PARP1: variants seen among roughly 807,000 people sequenced by gnomAD.
PARP1 encodes the protein poly [ADP-ribose] polymerase 1.
Under a neutral mutation model 118.7 loss-of-function variants are expected in PARP1, and 44 were observed. The observed-to-expected ratio is 0.37, with a 90% CI of 0.29 to 0.48. The LOEUF (loss-of-function observed/expected upper bound fraction) is 0.48. Ranked by LOEUF, PARP1 falls within the 20% of genes least tolerant of loss-of-function variation. The pLI, the probability that PARP1 is intolerant of heterozygous loss-of-function variation, is 0.99. For missense variants in PARP1, 1,100 were observed against 1,272.4 expected, an observed-to-expected ratio of 0.86 and a Z score of 2.06; for synonymous variants, 492 against 483.2, an observed-to-expected ratio of 1.02 and a Z score of -0.24.
In PARP1 at chr1:226,374,956, T is replaced by C. The variant is rs1014751695; in HGVS notation, c.1942-602A>G. ...AGACTATTGAGACTCCACCCCCCAC[T>C]GTCTGAAGAACCCAGGTTATATCAA... On this transcript the variant is annotated intron_variant, in intron 13 of 22. Coordinates refer to ENST00000366794, the MANE Select transcript of PARP1 (RefSeq NM_001618.4). 4.6e-5 allele frequency among the ~76,000 whole-genome samples: 7 copies of C among 152,370 alleles called. No homozygotes were observed. The East Asian group carries it at 1.3e-3, about 29-fold the overall frequency.
In PARP1 at chr1:226,361,471, A is replaced by T; in HGVS notation, c.3034T>A (p.Ser1012Thr). 6.2e-7 allele frequency: 1 copy of T among 1,609,130 alleles called. No individual in the cohort carries two copies. Among genetic ancestry groups the T allele is most frequent in the Non-Finnish European group, 8.5e-7 (1 of 1,175,556 alleles). ...GCTACCTCTCCCAATTACCACAGGG[A>T]GGTCTTAAAATTGAATTTCAGTTTC... Reference protein sequence around the residue: ...LLKLKFNFKTSLW With the variant: ...LLKLKFNFKTTLW The change falls in exon 23 of 23, where the codon TCC (serine) becomes ACC (threonine). Residue 1012 changes from serine (S) to threonine (T), a missense_variant. Around this residue, in one of 2 missense-constraint regions of PARP1, gnomAD observed 152 missense variants for 240.6 expected, o/e 0.63. Transcript: ENST00000366794.
rs1252612956 is a variant in PARP1 at position 226,367,486 on chromosome 1, G to A, written c.2400C>T (p.Asp800=). 6.2e-7 allele frequency: 1 copy of A among 1,614,024 alleles called. No individual in the cohort carries two copies. The highest frequency in any genetic ancestry group is 8.5e-7 in the Non-Finnish European group (1 of 1,180,030). Residue 800 remains aspartate (D), a synonymous_variant, in exon 17 of 23, where the codon GAC becomes GAT. Transcript: ENST00000366794. ...IDVNYEKLKT[D]IKVVDRDSEE... ...GAAGGCCTGACCCTGTTACCTTAAT[G>A]TCAGTTTTGAGCTTCTCATAGTTGA...
At chr1:226,385,443 C>A (rs1458112074) in intron 7 of PARP1, 61 bp downstream of exon 7, 12 of 1,454,098 alleles carry the variant, frequency 8.3e-6, no homozygotes, top group East Asian at 2.3e-5. Flanking sequence ...TATAAACAAG[C>A]GCAGAAAGTG....
chr1:226,361,589 T>G, intron 22 of PARP1, 48 bp from the exon 23 acceptor site: 1 of 1,315,564 alleles, frequency 7.6e-7, no homozygotes. Context: ...ACAGAGGGTA[T>G]GTACATGTGC....
rs139232092 is a variant in PARP1 at position 226,388,714 on chromosome 1, G to A, written c.659C>T (p.Ala220Val). 2.6e-4 allele frequency: 421 copies of A among 1,613,776 alleles called. 1 individual carries two copies. In the East Asian group the frequency reaches 5.6e-3, roughly 22 times the overall value. The stretch of plus-strand genomic sequence containing the variant: ...TTTTTCTTTTTTAGATTTCTTCTTC[G>A]CCACTTCATCCACTCCATCCACCTC... ...GDEVDGVDEVAKKKSKKEKDK... is the reference protein window; with the variant it reads ...GDEVDGVDEVVKKKSKKEKDK... The change falls in exon 5 of 23, where the codon GCG becomes GTG. Residue 220 changes from alanine (A) to valine (V), a missense_variant. Physicochemically the swap from Ala to Val is moderately conservative, Grantham distance 64. Around this residue, in one of 2 missense-constraint regions of PARP1, gnomAD observed 948 missense variants for 1,031.8 expected, o/e 0.92. Transcript: ENST00000366794.
chr1:226,380,870 C>T (rs1053099424), intron 9 of PARP1, among the ~76,000 whole-genome samples, 198 bp downstream of exon 9: 1 of 152,138 alleles, frequency 6.6e-6, no homozygotes, highest in African/African-American at 2.4e-5. Context: ...GTTGAGAACA[C>T]GCAATGCATG....
chr1:226,389,094 TGTATC>T (rs1553296935), intron 4 of PARP1, among the ~76,000 whole-genome samples: 11 of 150,018 alleles, frequency 7.3e-5, no homozygotes, highest in Non-Finnish European at 1.5e-4. Context: ...AAGAAACCCA[TGTATC>T]TCCTGGCCTG....
intron 10 of PARP1, 104 bp downstream of exon 10, chr1:226,379,818 A>T: frequency 6.4e-7 from 1 of 1,571,284 alleles, no homozygotes; most frequent in Non-Finnish European, 8.7e-7. Context: ...TGCAGCACTC[A>T]ACAGGCCATG....
intron 2 of PARP1, among the ~76,000 whole-genome samples, chr1:226,397,037 A>C (rs1210784908): frequency 6.6e-6 from 1 of 152,124 alleles, no homozygotes; most frequent in Non-Finnish European, 1.5e-5. Context: ...CATGCCTATA[A>C]ACCCTGTGCT....
chr1:226,363,401 G>A (rs1019409901), intron 20 of PARP1, among the ~76,000 whole-genome samples: 2 of 152,160 alleles, frequency 1.3e-5, no homozygotes, highest in African/African-American at 4.8e-5. Context: ...TCAAGGCAAG[G>A]CCCTATTTGG....
chr1:226,369,730 G>A (rs981973795), intron 15 of PARP1, among the ~76,000 whole-genome samples: 49 of 152,106 alleles, frequency 3.2e-4, no homozygotes, highest in Middle Eastern at 3.2e-3. Flanking sequence ...TGAGGCAGGC[G>A]GATCACTTGA....
intron 21 of PARP1, among the ~76,000 whole-genome samples, chr1:226,362,852 ATTTTT>A (rs3046776): frequency 6.7e-6 from 1 of 148,338 alleles, no homozygotes; most frequent in Non-Finnish European, 1.5e-5. Flanking sequence ...GAGCTTGCCT[ATTTTT>A]TTTTTTTTTT....
chr1:226,403,967 T>C (rs968470984), intron 1 of PARP1, among the ~76,000 whole-genome samples: 1 of 152,210 alleles, frequency 6.6e-6, no homozygotes, highest in East Asian at 1.9e-4. Context: ...GGCCTCTTTC[T>C]GGATGTGATG....
intron 21 of PARP1, among the ~76,000 whole-genome samples, 178 bp downstream of exon 21, chr1:226,362,918 AACC>A (rs200043891): frequency 6.6e-6 from 1 of 151,722 alleles, no homozygotes; most frequent in Admixed American, 6.6e-5. Context: ...GCAGCATATT[AACC>A]ACCACCACCA....
chr1:226,392,338 T>C, intron 2 of PARP1, 24 bp from the exon 3 acceptor site: 5 of 1,552,324 alleles, frequency 3.2e-6, no homozygotes, highest in South Asian at 1.1e-5. Context: ...CAGACAGCAA[T>C]GCTCATCTCA....
chr1:226,386,593 ACT>A, intron 5 of PARP1, 151 bp from the exon 6 acceptor site: 1 of 736,040 alleles, frequency 1.4e-6, no homozygotes, highest in Admixed American at 1.8e-5. Context: ...ACAGGATTTG[ACT>A]CCCAGTCATG....
rs755617552 is a variant in PARP1 at position 226,402,314 on chromosome 1, G to C, written c.186C>G (p.His62Gln). Reference sequence around the variant, plus strand: ...CCTCAACGTCAGGGTGCCGGATGGAGTGGCCCACCTTCCAGAAGCAGGAGA... The same window carrying C: ...CCTCAACGTCAGGGTGCCGGATGGACTGGCCCACCTTCCAGAAGCAGGAGA... ...YHFSCFWKVG[H>Q]SIRHPDVEVD... Residue 62 changes from histidine (H) to glutamine (Q), a missense_variant, in exon 2 of 23, where the codon CAC becomes CAG. His to Gln is a conservative substitution (Grantham distance 24). This residue lies in a region of PARP1 where 948 missense variants were observed against 1,031.8 expected (regional missense o/e 0.92). Coordinates refer to ENST00000366794, the MANE Select transcript of PARP1 (RefSeq NM_001618.4). 2.1e-5 allele frequency: 34 copies of C among 1,614,056 alleles called. No homozygotes were observed. The Admixed American group carries it at 5.7e-4, about 27-fold the overall frequency.
intron 1 of PARP1, among the ~76,000 whole-genome samples, chr1:226,403,065 G>A (rs973410444): frequency 8.5e-5 from 13 of 152,346 alleles, no homozygotes; most frequent in African/African-American, 1.4e-4. Context: ...CTTCTGGGGC[G>A]CAGTTTCCCA....
Position 226,380,115 on chromosome 1 carries a change from G to C in PARP1, c.1350C>G (p.Asn450Lys). Residue 450 changes from asparagine (N) to lysine (K), a missense_variant, in exon 10 of 23, where the codon AAC becomes AAG. This residue lies in a region of PARP1 where 948 missense variants were observed against 1,031.8 expected (regional missense o/e 0.92). Transcript: ENST00000366794. The part of the protein sequence containing the change: ...NKKMEEVKEA[N>K]IRVVSEDFLQ... ...GGAAGTCCTCAGACACAACTCGGAT[G>C]TTGGCTTCCTTTACTTCCTCCATCT... The C allele has an allele frequency of 6.2e-7, 1 of 1,614,148 alleles. No homozygotes were observed. Among genetic ancestry groups the C allele is most frequent in the Admixed American group, 1.7e-5 (1 of 60,034 alleles).
Sources: allele counts gnomAD v4.1 joint callset (sites outside exome capture counted in the v4.1 genomes callset), GRCh38; gene constraint gnomAD v4.1.1; regional missense constraint gnomAD v4.1.1; transcripts MANE v1.5; gene names NCBI Gene and HGNC (gene_info 2026-07-23, HGNC 2026-07-21).